The following POGZ variants were observed in gnomAD, a reference collection of about 807,000 sequenced individuals.
The protein encoded by POGZ is pogo transposable element with ZNF domain.
In POGZ, 17 loss-of-function variants were observed where a neutral mutation model predicts 134.6. The observed-to-expected ratio is 0.13, with a 90% CI of 0.09 to 0.19. The LOEUF is 0.19. Among genes scored for constraint, POGZ ranks in the 10% least tolerant of loss-of-function variants. The pLI, the probability that POGZ is intolerant of heterozygous loss-of-function variation, is 1.00. For synonymous variants in POGZ, 693 were observed against 657.1 expected (o/e 1.05, Z -0.84); for missense variants, 1,306 against 1,769.7 (o/e 0.74, Z 4.70).
In POGZ at chr1:151,403,654, CCT is replaced by C; in HGVS notation, c.*1146_*1147del. ...TCATGTCATTTTCTTTGTGCACACCCCTGTGCGCTTCTTCCTGTCAGATTCTT... is the reference window on the plus strand; with the variant it reads ...TCATGTCATTTTCTTTGTGCACACCCGTGCGCTTCTTCCTGTCAGATTCTT... On this transcript the variant is annotated 3_prime_UTR_variant, in exon 19 of 19. Transcript: ENST00000271715. The C allele has an allele frequency of 1.0e-6, 1 of 984,410 alleles. No individual in the cohort carries two copies. Among genetic ancestry groups the C allele is most frequent in the Non-Finnish European group, 1.2e-6 (1 of 828,602 alleles). The allele number at this position is 984,410 out of a possible 1,614,324, so 61.0% of individuals were successfully genotyped here.
At chr1:151,436,814 C>A (rs2102340699) in intron 3 of POGZ, among the ~76,000 whole-genome samples, 1 of 152,304 alleles carries the variant, frequency 6.6e-6, no homozygotes, top group African/African-American at 2.4e-5. Context: ...CATTAGTGCA[C>A]AAGTTTTTAT....
chr1:151,442,956 G>A (rs770918486), intron 1 of POGZ, among the ~76,000 whole-genome samples: 2 of 151,624 alleles, frequency 1.3e-5, no homozygotes, highest in Non-Finnish European at 2.9e-5. Context: ...TTGAACCCCG[G>A]GCAGCAGAGG....
intron 10 of POGZ, 44 bp downstream of exon 10, chr1:151,423,353 C>G: frequency 1.3e-6 from 2 of 1,522,132 alleles, no homozygotes; most frequent in Non-Finnish European, 1.8e-6. Context: ...AATGAGTGAA[C>G]AGCAAGGTAT....
At chr1:151,433,879 C>G (rs753507494) in intron 3 of POGZ, among the ~76,000 whole-genome samples, 1 of 152,028 alleles carries the variant, frequency 6.6e-6, no homozygotes, top group Non-Finnish European at 1.5e-5. Context: ...AAAAAAAAAG[C>G]CTTTAAAAGG....
intron 10 of POGZ, among the ~76,000 whole-genome samples, chr1:151,416,587 T>TA (rs1655744027): frequency 6.6e-6 from 1 of 150,840 alleles, no homozygotes; most frequent in South Asian, 2.1e-4. Flanking sequence ...GCACTGCTCT[T>TA]AAACAAGTGT....
intron 10 of POGZ, among the ~76,000 whole-genome samples, chr1:151,415,191 G>A (rs1051618996): frequency 1.4e-4 from 22 of 151,996 alleles, no homozygotes; most frequent in African/African-American, 4.6e-4. Flanking sequence ...GACAGGCTCC[G>A]ACTCCTAAAC....
Position 151,404,675 on chromosome 1 carries a change from A to G in POGZ, c.*127T>C, listed in dbSNP as rs1653243718. On this transcript the variant is annotated 3_prime_UTR_variant, in exon 19 of 19. Coordinates refer to ENST00000271715, the MANE Select transcript of POGZ (RefSeq NM_015100.4). ...GAAGTGTAAGTCAACTTCAGGGGGGAGTGGTGGTATAAAATTAAAAAATAG... is the reference window on the plus strand; with the variant it reads ...GAAGTGTAAGTCAACTTCAGGGGGGGGTGGTGGTATAAAATTAAAAAATAG... 1 of 1,416,672 alleles carries G rather than the reference A, an allele frequency of 7.1e-7. No homozygotes were observed. Among genetic ancestry groups the G allele is most frequent in the Non-Finnish European group, 9.2e-7 (1 of 1,089,066 alleles). 87.8% of individuals were successfully genotyped at this position (1,416,672 alleles called of 1,614,324 possible).
rs555652380 is a variant in POGZ at position 151,409,146 on chromosome 1, ACTGGACATTCTT to A, written c.1927-330_1927-319del. 8.7e-3 allele frequency among the ~76,000 whole-genome samples: 1,330 copies of A among 152,280 alleles called. 9 individuals are homozygous for A. The highest frequency in any genetic ancestry group is 0.015 in the Non-Finnish European group (995 of 68,008). The stretch of plus-strand genomic sequence containing the variant: ...GTATTATATCTTTACACTGCTGACA[ACTGGACATTCTT>A]CTGGACATTCTTCATTCTTCTTTTT... On this transcript the variant is annotated intron_variant, in intron 12 of 18. Transcript: ENST00000271715.
intron 7 of POGZ, chr1:151,425,302 A>C: frequency 5.5e-6 from 2 of 366,130 alleles, no homozygotes; most frequent in Non-Finnish European, 1.0e-5. Flanking sequence ...CCCTGGGCTC[A>C]AGATCACTAT....
rs369243335 is a variant in POGZ at position 151,429,612 on chromosome 1, G to A, written c.559C>T (p.Leu187=). 10 of 1,570,210 alleles carry A rather than the reference G, an allele frequency of 6.4e-6. No individual in the cohort carries two copies. Among genetic ancestry groups the A allele is most frequent in the Non-Finnish European group, 8.8e-6 (10 of 1,141,280 alleles). The change falls in exon 5 of 19, where the codon CTA becomes TTA. Residue 187 remains leucine (L), a synonymous_variant. Transcript: ENST00000271715. ...QQGQTVRPIT[L]VPAPGTQFVK... is the part of the protein sequence containing the mutation. ...AGACATTTTTCCTTACCTGGAACTA[G>A]TGTAATTGGTCTAACCGTTTGGCCT...
intron 3 of POGZ, among the ~76,000 whole-genome samples, chr1:151,436,221 G>A (rs1228005588): frequency 2.6e-5 from 4 of 152,122 alleles, no homozygotes; most frequent in African/African-American, 4.8e-5. Flanking sequence ...GCTTCCCAAA[G>A]TGCTAGGATT....
At chr1:151,419,690 A>C (rs1006231329) in intron 10 of POGZ, among the ~76,000 whole-genome samples, 12 of 149,738 alleles carry the variant, frequency 8.0e-5, no homozygotes, top group African/African-American at 2.7e-4. Context: ...AAAAAAAAAA[A>C]AAAAACTACT....
intron 8 of POGZ, chr1:151,424,554 C>A: frequency 2.9e-6 from 1 of 345,444 alleles, no homozygotes; most frequent in Non-Finnish European, 5.2e-6. Context: ...AGCTCCCTGG[C>A]AAAGAAGAAG....
rs1409818362 is a variant in POGZ at position 151,405,333 on chromosome 1, G to A, written c.3702C>T (p.His1234=). 2 of 1,614,214 alleles carry A rather than the reference G, an allele frequency of 1.2e-6. No homozygotes were observed. The highest frequency in any genetic ancestry group is 1.7e-6 in the Non-Finnish European group (2 of 1,180,034). Residue 1234 remains histidine (H), a synonymous_variant, in exon 19 of 19, where the codon CAC becomes CAT. Coordinates refer to ENST00000271715, the MANE Select transcript of POGZ (RefSeq NM_015100.4). The surrounding 1 kb of genome is among the most constrained non-coding windows in gnomAD (Gnocchi z 4.9). Reference sequence around the variant, plus strand: ...GCATAGCCAGTACCTCTTCTGACAAGTGAGTGCGATGACAGTCCATCACAA... The same window carrying A: ...GCATAGCCAGTACCTCTTCTGACAAATGAGTGCGATGACAGTCCATCACAA... The part of the protein sequence containing the change: ...GMLVMDCHRT[H]LSEEVLAMLS...
In POGZ at chr1:151,418,215, CA is replaced by C. The variant is rs756434071; in HGVS notation, c.1678+5181del. ...TGAGCGACATAGCAAGACTCCTTCT[CA>C]AAAAAAAAAAAGATGTGGTATATAT... On this transcript the variant is annotated intron_variant, in intron 10 of 18. Coordinates refer to ENST00000271715, the MANE Select transcript of POGZ (RefSeq NM_015100.4). Among the ~76,000 whole-genome samples the C allele has an allele frequency of 8.8e-4, 121 of 137,124 alleles. 1 individual carries two copies. Among genetic ancestry groups the C allele is most frequent in the Admixed American group, 1.9e-3 (26 of 13,608 alleles). 90.0% of individuals were successfully genotyped at this position (137,124 alleles called of 152,430 possible).
intron 1 of POGZ, 98 bp downstream of exon 1, chr1:151,459,052 CCT>C (rs1367439457): frequency 6.7e-6 from 1 of 148,668 alleles, no homozygotes; most frequent in Non-Finnish European, 1.5e-5. Context: ...GCCCCATCCC[CCT>C]CTCATTGTCT....
At chr1:151,457,780 A>T (rs1311411401) in intron 1 of POGZ, among the ~76,000 whole-genome samples, 1 of 152,130 alleles carries the variant, frequency 6.6e-6, no homozygotes, top group Non-Finnish European at 1.5e-5. Context: ...TACAAAAATT[A>T]GCCGGGCGTG....
intron 1 of POGZ, among the ~76,000 whole-genome samples, chr1:151,444,925 T>G (rs1362572269): frequency 1.3e-5 from 2 of 151,816 alleles, no homozygotes; most frequent in African/African-American, 4.8e-5. Flanking sequence ...GAGGATGAGG[T>G]AGGAGGATTG....
At chr1:151,452,291 C>T (rs1469940629) in intron 1 of POGZ, among the ~76,000 whole-genome samples, 1 of 150,934 alleles carries the variant, frequency 6.6e-6, no homozygotes, top group Non-Finnish European at 1.5e-5. Flanking sequence ...AGGAAATGCA[C>T]AAAATATTTA....
Sources: gnomAD v4.1 joint callset for allele counts (sites outside exome capture counted in the v4.1 genomes callset) on GRCh38, gnomAD v4.1.1 for gene constraint, Gnocchi (gnomAD v3.1) non-coding constraint, MANE v1.5 for transcripts, NCBI Gene and HGNC (gene_info 2026-07-23, HGNC 2026-07-21) for gene names.